PCDH15: variants seen among roughly 807,000 people sequenced by gnomAD.
PCDH15 encodes the protein protocadherin related 15.
A neutral mutation model predicts 178.5 loss-of-function variants in PCDH15; 129 were observed. The observed-to-expected ratio is 0.72, with a 90% confidence interval of 0.63 to 0.84. PCDH15 has a LOEUF of 0.84. PCDH15 is among the 40% of genes least tolerant of loss of function. The probability of loss-of-function intolerance (pLI) is 0.00; values close to 1 mark genes in which losing one functional copy is unlikely to be tolerated. For missense variants in PCDH15, 2,230 were observed against 2,099.9 expected (o/e 1.06, Z -1.21); for synonymous variants, 800 against 732.0 (o/e 1.09, Z -1.50).
chr10:55,284,794 G>A (rs1842825094), intron 1 of PCDH15, among the ~76,000 whole-genome samples: 1 of 151,854 alleles, frequency 6.6e-6, no homozygotes, highest in Admixed American at 6.6e-5. Flanking sequence ...ATTTATCATG[G>A]GGGAGTTACA....
chr10:54,290,491 C>A (rs1173439945), intron 8 of PCDH15, among the ~76,000 whole-genome samples: 1 of 152,174 alleles, frequency 6.6e-6, no homozygotes, highest in East Asian at 1.9e-4. Flanking sequence ...CATCAGTTAA[C>A]TGGCAAAATA....
At chr10:54,379,081 GAAAAT>G in intron 3 of PCDH15, 139 bp from the exon 4 acceptor site, 1 of 889,330 alleles carries the variant, frequency 1.1e-6, no homozygotes, top group Non-Finnish European at 1.8e-6. Flanking sequence ...GCATAAGACA[GAAAAT>G]ATTCTTTACC....
chr10:55,626,379 A>G (rs1466748195), intron 2 of PCDH15, among the ~76,000 whole-genome samples: 1 of 152,130 alleles, frequency 6.6e-6, no homozygotes, highest in Non-Finnish European at 1.5e-5. Context: ...AGTGGATAAA[A>G]CCGTCTAATA....
intron 2 of PCDH15, among the ~76,000 whole-genome samples, chr10:55,350,899 A>T (rs193208020): frequency 0.011 from 1,647 of 152,208 alleles, 31 homozygotes; most frequent in African/African-American, 0.037. Flanking sequence ...AAATCATAAC[A>T]TATCTGATTT....
intron 20 of PCDH15, 72 bp downstream of exon 20, chr10:54,020,120 T>C (rs2092868090): frequency 4.7e-6 from 6 of 1,264,174 alleles, no homozygotes; most frequent in Admixed American, 1.7e-5. Context: ...ATATTATAGG[T>C]ATAATAGAAG....
chr10:55,502,514 AAT>A (rs1355457010), intron 2 of PCDH15, among the ~76,000 whole-genome samples: 3 of 151,698 alleles, frequency 2.0e-5, no homozygotes, highest in South Asian at 4.1e-4. Context: ...ATCAGATAAA[AAT>A]ATGTCTTATT....
At chr10:53,971,861 G>T (rs1026217608) in intron 21 of PCDH15, among the ~76,000 whole-genome samples, 1 of 152,136 alleles carries the variant, frequency 6.6e-6, no homozygotes, top group Non-Finnish European at 1.5e-5. Flanking sequence ...TGGTCATACT[G>T]CCCAAGGTAA....
intron 2 of PCDH15, among the ~76,000 whole-genome samples, chr10:55,039,194 A>G (rs1310653485): frequency 1.3e-5 from 2 of 152,122 alleles, no homozygotes; most frequent in Admixed American, 6.6e-5. Context: ...TCTCTCCCAG[A>G]ATACAGAAAA....
At chr10:55,199,275 G>T (rs2132156487) in intron 1 of PCDH15, among the ~76,000 whole-genome samples, 1 of 152,240 alleles carries the variant, frequency 6.6e-6, no homozygotes, top group East Asian at 1.9e-4. Context: ...ACGGAGCAAA[G>T]ATCACTCTTG....
At position 54,668,085 on chromosome 10, in the gene PCDH15, T is replaced by C. The variant is rs534684874; in HGVS notation, c.-28-3795A>G. Among the ~76,000 whole-genome samples the C allele has an allele frequency of 7.2e-5, 11 of 152,158 alleles. No homozygotes were observed. In the East Asian group the frequency reaches 2.1e-3, roughly 29 times the overall value. On this transcript the variant is annotated intron_variant, in intron 1 of 37. Coordinates refer to ENST00000644397, the MANE Select transcript of PCDH15 (RefSeq NM_001384140.1). ...ATTTGTATTTCCTGCAAGATAAATC[T>C]CATATTTATTTATCTGGCATTCAAT... is the stretch of plus-strand genomic sequence containing the variant.
At chr10:54,514,921 G>T (rs146051571) in intron 3 of PCDH15, among the ~76,000 whole-genome samples, 12 of 152,268 alleles carry the variant, frequency 7.9e-5, no homozygotes, top group Admixed American at 1.3e-4. Flanking sequence ...TCATCGAAAA[G>T]AAATTTTAGA....
chr10:54,629,719 T>A (rs1056244213), intron 2 of PCDH15, among the ~76,000 whole-genome samples: 2 of 151,966 alleles, frequency 1.3e-5, no homozygotes, highest in Non-Finnish European at 2.9e-5. Context: ...CTATTCAACA[T>A]AGTACTGGAA....
chr10:55,299,634 A>G (rs1215640415), intron 1 of PCDH15, among the ~76,000 whole-genome samples: 2 of 152,116 alleles, frequency 1.3e-5, no homozygotes. Flanking sequence ...TACAGTTTCA[A>G]CTCTTTCAGA....
chr10:54,602,722 A>C (rs1326291079), intron 2 of PCDH15, among the ~76,000 whole-genome samples: 1 of 152,018 alleles, frequency 6.6e-6, no homozygotes, highest in Non-Finnish European at 1.5e-5. Flanking sequence ...TATTGAGATG[A>C]TCATATGGTT....
chr10:54,500,797 T>C (rs1226559677), intron 3 of PCDH15, among the ~76,000 whole-genome samples: 1 of 152,158 alleles, frequency 6.6e-6, no homozygotes, highest in African/African-American at 2.4e-5. Flanking sequence ...CACTCCAGCC[T>C]GGGCAACAGA....
intron 18 of PCDH15, among the ~76,000 whole-genome samples, chr10:54,032,422 T>C (rs1362463089): frequency 1.3e-5 from 2 of 152,040 alleles, no homozygotes; most frequent in African/African-American, 4.8e-5. Flanking sequence ...AATGCCTGCT[T>C]TATTTTTCTT....
chr10:55,624,861 A>G (rs1192516224), intron 2 of PCDH15, among the ~76,000 whole-genome samples: 2 of 152,098 alleles, frequency 1.3e-5, no homozygotes, highest in African/African-American at 2.4e-5. Context: ...TTTCACTTTT[A>G]TGTTACCTTT....
At chr10:55,423,997 T>C (rs1838687621) in intron 2 of PCDH15, among the ~76,000 whole-genome samples, 2 of 152,012 alleles carry the variant, frequency 1.3e-5, no homozygotes, top group African/African-American at 4.8e-5. Context: ...CTACCAGAAA[T>C]TGAGGAAGAC....
chr10:55,486,259 A>G (rs894420485), intron 2 of PCDH15, among the ~76,000 whole-genome samples: 10 of 151,754 alleles, frequency 6.6e-5, no homozygotes, highest in Non-Finnish European at 1.0e-4. Context: ...CCTAAAAAAT[A>G]AATGAAGGAA....
Sources: allele counts gnomAD v4.1 joint callset (sites outside exome capture counted in the v4.1 genomes callset), GRCh38; gene constraint gnomAD v4.1.1; transcripts MANE v1.5; gene names NCBI Gene and HGNC (gene_info 2026-07-23, HGNC 2026-07-21).